The following CSMD3 variants were observed in gnomAD, a reference collection of about 807,000 sequenced individuals.
CSMD3 encodes the protein CUB and sushi domain-containing protein 3.
Under a neutral mutation model 435.2 loss-of-function variants are expected in CSMD3, and 177 were observed. The ratio of observed to expected loss-of-function variants is 0.41; its 90% CI spans 0.36 to 0.46. The LOEUF is 0.46. Among genes scored for constraint, CSMD3 ranks in the 20% least tolerant of loss-of-function variants. CSMD3 has a pLI of 0.34. For synonymous variants in CSMD3, 1,656 were observed against 1,520.5 expected (o/e 1.09, Z -2.07); for missense variants, 4,265 against 4,504.6 (o/e 0.95, Z 1.52).
intron 19 of CSMD3, among the ~76,000 whole-genome samples, chr8:112,646,982 G>A (rs1179670990): frequency 6.6e-6 from 1 of 151,672 alleles, no homozygotes; most frequent in Non-Finnish European, 1.5e-5. Flanking sequence ...GCACTATTCT[G>A]CAGATTTTAT....
chr8:112,664,470 C>T (rs1414494153), intron 17 of CSMD3, among the ~76,000 whole-genome samples: 1 of 152,032 alleles, frequency 6.6e-6, no homozygotes, highest in Non-Finnish European at 1.5e-5. Flanking sequence ...CAACATAAGC[C>T]ATGTAAACCA....
intron 30 of CSMD3, among the ~76,000 whole-genome samples, chr8:112,501,852 C>G (rs920685581): frequency 6.6e-6 from 1 of 152,024 alleles, no homozygotes; most frequent in Non-Finnish European, 1.5e-5. Context: ...GGTGGAGTAT[C>G]ATAAAGGACT....
At chr8:112,830,962 T>C (rs2079854140) in intron 11 of CSMD3, among the ~76,000 whole-genome samples, 1 of 151,980 alleles carries the variant, frequency 6.6e-6, no homozygotes, top group Non-Finnish European at 1.5e-5. Context: ...AATTTTTTTG[T>C]ATTTTTAATA....
chr8:112,726,499 G>A (rs1488041831), intron 13 of CSMD3, among the ~76,000 whole-genome samples: 1 of 151,864 alleles, frequency 6.6e-6, no homozygotes, highest in Non-Finnish European at 1.5e-5. Context: ...GTAGTTGAAG[G>A]TGGTTAGAGA....
chr8:112,960,912 G>A (rs549705342), intron 7 of CSMD3, among the ~76,000 whole-genome samples: 1 of 151,772 alleles, frequency 6.6e-6, no homozygotes, highest in African/African-American at 2.4e-5. Flanking sequence ...GTTCAGAACA[G>A]CCAATACATT....
At chr8:112,448,381 C>T (rs1205869265) in intron 32 of CSMD3, among the ~76,000 whole-genome samples, 1 of 152,136 alleles carries the variant, frequency 6.6e-6, no homozygotes, top group Non-Finnish European at 1.5e-5. Flanking sequence ...AATTCCCACT[C>T]ATAGCAGGGT....
At chr8:112,583,185 C>A (rs570362332) in intron 23 of CSMD3, among the ~76,000 whole-genome samples, 1 of 152,090 alleles carries the variant, frequency 6.6e-6, no homozygotes, top group Middle Eastern at 3.4e-3. Flanking sequence ...GAATAATATA[C>A]AAAGTGTGAA....
rs2094052880 is a variant in CSMD3 at position 113,334,297 on chromosome 8, A to ATTTTTTTTTTTTTT, written c.179-19505_179-19504insAAAAAAAAAAAAAA. Among the ~76,000 whole-genome samples, 5 of 126,280 alleles carry ATTTTTTTTTTTTTT rather than the reference A, an allele frequency of 4.0e-5. 1 individual carries two copies. Among genetic ancestry groups the ATTTTTTTTTTTTTT allele is most frequent in the Non-Finnish European group, 4.8e-5 (3 of 62,490 alleles). The allele number at this position is 126,280 out of a possible 152,430, so 82.8% of individuals were successfully genotyped here. On this transcript the variant is annotated intron_variant, in intron 1 of 70. Transcript: ENST00000297405. ...TTTAAGTTTTTTTTTTTTTTTTTTC[A>ATTTTTTTTTTTTTT]TTTCCAGCCTGTGTACCTGTTACAT...
chr8:112,780,319 T>C (rs556421646), intron 13 of CSMD3, among the ~76,000 whole-genome samples: 1 of 152,194 alleles, frequency 6.6e-6, no homozygotes, highest in Non-Finnish European at 1.5e-5. Context: ...AACAATCTTT[T>C]TGAGTCTCAA....
In CSMD3 at chr8:113,044,872, T is replaced by C. The variant is rs2087765215; in HGVS notation, c.918-25693A>G. Among the ~76,000 whole-genome samples the C allele has an allele frequency of 1.3e-5, 2 of 148,984 alleles. 1 individual carries two copies. Among genetic ancestry groups the C allele is most frequent in the Non-Finnish European group, 3.0e-5 (2 of 66,210 alleles). ...AGTATAGAAAATCTTGTCTGGAGAG[T>C]GTGAAACTAGTTAGGATGCTGTTGT... is the stretch of plus-strand genomic sequence containing the variant. On this transcript the variant is annotated intron_variant, in intron 5 of 70. Transcript: ENST00000297405.
At chr8:112,372,373 A>T (rs1828481814) in intron 38 of CSMD3, among the ~76,000 whole-genome samples, 1 of 152,190 alleles carries the variant, frequency 6.6e-6, no homozygotes, top group South Asian at 2.1e-4. Context: ...AGGTAATGAT[A>T]TGAAATGACC....
At chr8:112,390,241 T>C (rs1398860473) in intron 36 of CSMD3, among the ~76,000 whole-genome samples, 1 of 152,218 alleles carries the variant, frequency 6.6e-6, no homozygotes, top group East Asian at 1.9e-4. Context: ...CATTCTGTTT[T>C]AGCTGCTGGC....
intron 61 of CSMD3, among the ~76,000 whole-genome samples, chr8:112,258,417 C>T (rs1359742932): frequency 6.6e-6 from 1 of 152,146 alleles, no homozygotes; most frequent in Admixed American, 6.5e-5. Context: ...CTACAAATAA[C>T]TTAAACAAAT....
Position 112,909,236 on chromosome 8 carries a change from C to T in CSMD3, c.1633+12391G>A, listed in dbSNP as rs148512029. On this transcript the variant is annotated intron_variant, in intron 10 of 70. Transcript: ENST00000297405. ...CATAAACATAAACTTATATTAACTCCAAATTGGTTCAGAGCATCGTTTTTT... is the reference window on the plus strand; with the variant it reads ...CATAAACATAAACTTATATTAACTCTAAATTGGTTCAGAGCATCGTTTTTT... 5.8e-3 allele frequency among the ~76,000 whole-genome samples: 880 copies of T among 151,440 alleles called. 11 individuals carry two copies. The highest frequency in any genetic ancestry group is 0.02 in the African/African-American group (847 of 41,404).
At chr8:113,162,199 G>C (rs1005614515) in intron 4 of CSMD3, among the ~76,000 whole-genome samples, 1 of 151,952 alleles carries the variant, frequency 6.6e-6, no homozygotes, top group African/African-American at 2.4e-5. Flanking sequence ...CCTTTATACA[G>C]GCAAAGATTA....
chr8:112,494,494 CCTTTCTTTCTTTCTTTCTTT>C lies in CSMD3; in HGVS notation c.5084-1831_5084-1812del, dbSNP rs66517203. ...TTTCTTTTCTTTTGTTTCTTTCTCT[CCTTTCTTTCTTTCTTTCTTT>C]CTTTCTTTCTTTCTTTCTTTCTTTC... is the stretch of plus-strand genomic sequence containing the variant. On this transcript the variant is annotated intron_variant, in intron 30 of 70. Coordinates refer to ENST00000297405, the MANE Select transcript of CSMD3 (RefSeq NM_198123.2). Among the ~76,000 whole-genome samples, 283 of 40,202 alleles carry C rather than the reference CCTTTCTTTCTTTCTTTCTTT, an allele frequency of 7.0e-3. 3 individuals carry two copies. Among genetic ancestry groups the C allele is most frequent in the South Asian group, 0.016 (24 of 1,484 alleles). 26.4% of individuals were successfully genotyped at this position (40,202 alleles called of 152,430 possible).
chr8:112,791,582 G>T (rs1269747441), intron 13 of CSMD3, among the ~76,000 whole-genome samples: 1 of 151,902 alleles, frequency 6.6e-6, no homozygotes, highest in Non-Finnish European at 1.5e-5. Context: ...TTTTATTGAT[G>T]AGTAGTATTC....
intron 11 of CSMD3, among the ~76,000 whole-genome samples, chr8:112,844,822 GTC>G (rs2080273051): frequency 6.6e-6 from 1 of 151,846 alleles, no homozygotes; most frequent in Non-Finnish European, 1.5e-5. Flanking sequence ...TCTTTGCCCA[GTC>G]TCTCTTTTTC....
At position 112,380,425 on chromosome 8, in the gene CSMD3, C is replaced by T. The variant is rs150436177; in HGVS notation, c.6063G>A (p.Thr2021=). 6.1e-5 allele frequency: 97 copies of T among 1,596,978 alleles called. No homozygotes were observed. Among genetic ancestry groups the T allele is most frequent in the South Asian group, 9.9e-5 (9 of 90,724 alleles). ...GAAAATTTAGATACAGATTATTAGA[C>T]GTACTATTCAAAAGATGGGGTATTG... The part of the protein sequence containing the change: ...GTTIPHLLNS[T]SNNLYLNFQS... Residue 2021 remains threonine, a synonymous_variant, in exon 38 of 71, where the codon ACG becomes ACA. Transcript: ENST00000297405.
Sources: gnomAD v4.1 joint callset for allele counts (sites outside exome capture counted in the v4.1 genomes callset) on GRCh38, gnomAD v4.1.1 for gene constraint, MANE v1.5 for transcripts, NCBI Gene and HGNC (gene_info 2026-07-23, HGNC 2026-07-21) for gene names.